Variants in SPAG17 observed in about 807,000 individuals in gnomAD.
The protein encoded by SPAG17 is sperm associated antigen 17.
Under a neutral mutation model 273.6 loss-of-function variants are expected in SPAG17, and 169 were observed. That is an observed-to-expected ratio of 0.62 (90% confidence interval 0.55 to 0.70). The LOEUF (loss-of-function observed/expected upper bound fraction) is 0.70. Ranked by LOEUF, SPAG17 falls within the 30% of genes least tolerant of loss-of-function variation. The pLI is 0.00. For synonymous variants in SPAG17, 825 were observed against 873.2 expected (o/e 0.94, Z 0.97); for missense variants, 2,557 against 2,627.8 (o/e 0.97, Z 0.59).
chr1:118,066,086 CAGTATAT>C (rs1475514115), intron 18 of SPAG17, among the ~76,000 whole-genome samples: 1 of 152,096 alleles, frequency 6.6e-6, no homozygotes, highest in Non-Finnish European at 1.5e-5. Flanking sequence ...TGCCCACATA[CAGTATAT>C]TCCCCCAATT....
intron 1 of SPAG17, among the ~76,000 whole-genome samples, chr1:118,160,668 C>T (rs1408296598): frequency 6.6e-6 from 1 of 152,252 alleles, no homozygotes; most frequent in African/African-American, 2.4e-5. Context: ...ATTACACTAA[C>T]TCTATCTTAT....
intron 3 of SPAG17, among the ~76,000 whole-genome samples, chr1:118,147,247 G>T (rs1036098241): frequency 6.6e-6 from 1 of 152,094 alleles, no homozygotes; most frequent in African/African-American, 2.4e-5. Context: ...GATAGTGCCT[G>T]GCACTAGTGC....
At position 118,081,460 on chromosome 1, in the gene SPAG17, G is replaced by T; in HGVS notation, c.1945C>A (p.Gln649Lys). 6.2e-7 allele frequency: 1 copy of T among 1,613,694 alleles called. No individual in the cohort carries two copies. The highest frequency in any genetic ancestry group is 8.5e-7 in the Non-Finnish European group (1 of 1,179,970). The change falls in exon 14 of 49, where the codon CAA (glutamine) becomes AAA (lysine). Residue 649 changes from glutamine (Q) to lysine (K), a missense_variant. Physicochemically the swap from Gln to Lys is moderately conservative, Grantham distance 53. Coordinates refer to ENST00000336338, the MANE Select transcript of SPAG17 (RefSeq NM_206996.4). ...PARFAKQIRQ[Q>K]YVMKMNTQEA... ...TGAGTATTCATTTTCATGACATATT[G>T]CTGCCTTATCTGTTTAGCAAATCTG...
Position 118,003,781 on chromosome 1 carries a change from G to T in SPAG17, c.4776+1633C>A, listed in dbSNP as rs186019994. Among the ~76,000 whole-genome samples, 245 of 152,242 alleles carry T rather than the reference G, an allele frequency of 1.6e-3. 2 individuals are homozygous for T. The highest frequency in any genetic ancestry group is 6.8e-3 in the Middle Eastern group (2 of 294). On this transcript the variant is annotated intron_variant, in intron 32 of 48. Coordinates refer to ENST00000336338, the MANE Select transcript of SPAG17 (RefSeq NM_206996.4). ...GAACATGTTCCTTTAGCTCAGAGAAGTTTGTTATAACTGACCTTCTGAAGC... is the reference window on the plus strand; with the variant it reads ...GAACATGTTCCTTTAGCTCAGAGAATTTTGTTATAACTGACCTTCTGAAGC...
chr1:118,160,737 A>G (rs189620690), intron 1 of SPAG17, among the ~76,000 whole-genome samples: 86 of 152,372 alleles, frequency 5.6e-4, no homozygotes, highest in Admixed American at 1.4e-3. Flanking sequence ...GCCCAATTAC[A>G]TATCTCATAA....
rs749379643 is a variant in SPAG17, at chr1:118,041,955, T to C, written c.2902A>G (p.Lys968Glu). 16 of 1,613,926 alleles carry C rather than the reference T, an allele frequency of 9.9e-6. No homozygotes were observed. The East Asian group carries it at 2.9e-4, about 29-fold the overall frequency. Residue 968 changes from lysine to glutamate, a missense_variant, in exon 21 of 49, where the codon AAA becomes GAA. Coordinates refer to ENST00000336338, the MANE Select transcript of SPAG17 (RefSeq NM_206996.4). ...TCTGCGTTATCCTTGCCTTTCTTTT[T>C]ACCAGCTTCTTTACCCTTCTTCTCT... ...KAEKKGKEAG[K>E]KKGKDNAEKE...
chr1:118,003,526 T>A (rs1658543165), intron 32 of SPAG17, among the ~76,000 whole-genome samples: 1 of 152,190 alleles, frequency 6.6e-6, no homozygotes, highest in African/African-American at 2.4e-5. Context: ...TGTTTCTTTT[T>A]ACTCTAAATT....
Position 118,180,262 on chromosome 1 carries a change from T to C in SPAG17, c.87+4809A>G, listed in dbSNP as rs191523269. On this transcript the variant is annotated intron_variant, in intron 1 of 48. Transcript: ENST00000336338. The stretch of plus-strand genomic sequence containing the variant: ...GCAGTACATATACACAATGAAATAC[T>C]ATTCAGCCATACAATATGAAATCTT... Among the ~76,000 whole-genome samples the C allele has an allele frequency of 2.0e-5, 3 of 152,146 alleles. No homozygotes were observed. The East Asian group carries it at 5.8e-4, about 29-fold the overall frequency.
At chr1:118,025,053 T>A (rs749596661) in intron 27 of SPAG17, among the ~76,000 whole-genome samples, 185 bp downstream of exon 27, 2 of 152,200 alleles carry the variant, frequency 1.3e-5, no homozygotes, top group Non-Finnish European at 2.9e-5. Context: ...ACAAGTTTAT[T>A]TGTATCCTGC....
chr1:118,109,385 A>AC (rs1375363127), intron 4 of SPAG17, among the ~76,000 whole-genome samples: 2 of 141,286 alleles, frequency 1.4e-5, no homozygotes, highest in Non-Finnish European at 3.1e-5. Context: ...ATCTTTACTA[A>AC]AAAAAAAAAA....
intron 31 of SPAG17, 52 bp downstream of exon 31, chr1:118,007,992 C>A: frequency 6.2e-7 from 1 of 1,608,500 alleles, no homozygotes; most frequent in South Asian, 1.1e-5. Context: ...TGGGTTTTCT[C>A]AGCTGAATAG....
chr1:118,161,927 T>C (rs1659946524), intron 1 of SPAG17, among the ~76,000 whole-genome samples: 1 of 152,196 alleles, frequency 6.6e-6, no homozygotes, highest in African/African-American at 2.4e-5. Context: ...ATGGTGTATG[T>C]AGTCAAAGGC....
intron 18 of SPAG17, among the ~76,000 whole-genome samples, chr1:118,060,152 A>G (rs1379518577): frequency 1.3e-5 from 2 of 151,720 alleles, no homozygotes; most frequent in Non-Finnish European, 2.9e-5. Context: ...ATTTTTTTGC[A>G]GTGTTATTGT....
At chr1:118,166,917 G>A (rs1045258299) in intron 1 of SPAG17, among the ~76,000 whole-genome samples, 1 of 152,096 alleles carries the variant, frequency 6.6e-6, no homozygotes, top group Non-Finnish European at 1.5e-5. Context: ...ACAAAGTCAG[G>A]ACCATAAATC....
rs1415920907 is a variant in SPAG17 at position 117,993,107 on chromosome 1, G to A, written c.5179-459C>T. ...CTGGGCCATCTTTGAGCTTAATCTA[G>A]ACTAAGCATGCCTCCAGAGTCTGAG... On this transcript the variant is annotated intron_variant, in intron 35 of 48. Coordinates refer to ENST00000336338, the MANE Select transcript of SPAG17 (RefSeq NM_206996.4). Among the ~76,000 whole-genome samples, 3 of 152,180 alleles carry A rather than the reference G, an allele frequency of 2.0e-5. No homozygotes were observed. The East Asian group carries it at 5.8e-4, about 29-fold the overall frequency.
intron 3 of SPAG17, among the ~76,000 whole-genome samples, chr1:118,126,976 G>A (rs2102287121): frequency 6.6e-6 from 1 of 152,188 alleles, no homozygotes; most frequent in East Asian, 1.9e-4. Context: ...TGGCACTTTT[G>A]TCAAAAATCA....
chr1:118,051,341 C>T (rs962208451), intron 20 of SPAG17, among the ~76,000 whole-genome samples: 1 of 151,978 alleles, frequency 6.6e-6, no homozygotes, highest in African/African-American at 2.4e-5. Flanking sequence ...GGCGGCTTCT[C>T]AAAAATTAGA....
chr1:118,058,699 C>T (rs999790484), intron 18 of SPAG17, among the ~76,000 whole-genome samples: 3 of 152,128 alleles, frequency 2.0e-5, no homozygotes, highest in Non-Finnish European at 4.4e-5. Flanking sequence ...CTTAGTTTAA[C>T]CCCAGTAATC....
chr1:118,159,502 T>C (rs149593283), intron 1 of SPAG17, among the ~76,000 whole-genome samples: 259 of 152,346 alleles, frequency 1.7e-3, no homozygotes, highest in African/African-American at 5.9e-3. Flanking sequence ...AGGGTCCTTT[T>C]GTAAATTTGT....
Sources: gnomAD v4.1 joint callset for allele counts (sites outside exome capture counted in the v4.1 genomes callset) on GRCh38, gnomAD v4.1.1 for gene constraint, MANE v1.5 for transcripts, NCBI Gene and HGNC (gene_info 2026-07-23, HGNC 2026-07-21) for gene names.